POLD1: variants seen among roughly 807,000 people sequenced by gnomAD.
POLD1 encodes the protein DNA polymerase delta catalytic subunit.
Under a neutral mutation model 129.7 loss-of-function variants are expected in POLD1, and 79 were observed. The ratio of observed to expected loss-of-function variants is 0.61; its 90% CI spans 0.51 to 0.73. POLD1 has a LOEUF of 0.73. POLD1 is among the 30% of genes least tolerant of loss of function. The probability of loss-of-function intolerance (pLI) is 0.00; values close to 1 mark genes in which losing one functional copy is unlikely to be tolerated. For synonymous variants in POLD1, 714 were observed against 683.3 expected (o/e 1.04, Z -0.70); for missense variants, 1,338 against 1,595.8 (o/e 0.84, Z 2.75).
At chr19:50,415,074 C>T in intron 20 of POLD1, 84 bp downstream of exon 20, 2 of 1,290,796 alleles carry the variant, frequency 1.5e-6, no homozygotes, top group Non-Finnish European at 1.0e-6. Flanking sequence ...GGCCCCAGCC[C>T]CTCCTCCCTC....
intron 17 of POLD1, among the ~76,000 whole-genome samples, chr19:50,410,047 G>A (rs1261635672): frequency 6.6e-6 from 1 of 152,192 alleles, no homozygotes; most frequent in Non-Finnish European, 1.5e-5. Flanking sequence ...GGGGAGTGAT[G>A]GGGCTGGGCG....
chr19:50,416,364 G>A lies in POLD1; in HGVS notation c.2821-32G>A, dbSNP rs528284411. 23 of 1,545,500 alleles carry A rather than the reference G, an allele frequency of 1.5e-5. 1 individual carries two copies. The African/African-American group carries it at 2.7e-4, about 18-fold the overall frequency. ...TGTCCACCCCGGTGCCCTTTCCCTG[G>A]CTGCCCGGGTGTGACTGCCATGTGG... is the stretch of plus-strand genomic sequence containing the variant. On this transcript the variant is annotated intron_variant, in intron 22 of 26. Transcript: ENST00000440232.
rs141012529 is a variant in POLD1, at chr19:50,391,797, C to T, written c.-1-7054C>T. Among the ~76,000 whole-genome samples the T allele has an allele frequency of 9.7e-3, 1,482 of 152,238 alleles. 21 individuals carry two copies. The highest frequency in any genetic ancestry group is 0.034 in the African/African-American group (1,409 of 41,532). ...GCGCAATCTTGGCTCACTGCAACCT[C>T]CGCCTCCCAGGTTCAAGCGATTCTC... On this transcript the variant is annotated intron_variant, in intron 1 of 26. Transcript: ENST00000440232.
intron 14 of POLD1, among the ~76,000 whole-genome samples, chr19:50,408,022 C>T (rs2038961480): frequency 6.6e-6 from 1 of 151,432 alleles, no homozygotes; most frequent in African/African-American, 2.4e-5. Flanking sequence ...GGCGACAGAG[C>T]AACACCCCGG....
rs535288868 is a variant in POLD1, at chr19:50,415,129, G to A, written c.2564+139G>A. ...CCCAGCCCCCTCCTCCTCAGATCCC[G>A]GGGTCAGGGCCCCCAGCCCCTTCCT... On this transcript the variant is annotated intron_variant, in intron 20 of 26. Coordinates refer to ENST00000440232, the MANE Select transcript of POLD1 (RefSeq NM_002691.4). 4.0e-5 allele frequency: 31 copies of A among 783,276 alleles called. No homozygotes were observed. In the Admixed American group the frequency reaches 5.2e-4, roughly 13 times the overall value. 48.5% of individuals were successfully genotyped at this position (783,276 alleles called of 1,614,324 possible). A position where few individuals can be genotyped will look rare whatever the true frequency, so the allele number is the denominator to read the frequency against.
rs754121583 is a variant in POLD1, at chr19:50,402,140, G to C, written c.589+16G>C. The C allele has an allele frequency of 6.2e-7, 1 of 1,603,484 alleles. No individual in the cohort carries two copies. The highest frequency in any genetic ancestry group is 1.7e-5 in the Admixed American group (1 of 59,290). ...TCCCGAGAGAGTGAGTGCTCCCCCA[G>C]GATCAGCGGGTTGGAGGGTCCCCTC... On this transcript the variant is annotated intron_variant, in intron 5 of 26. Transcript: ENST00000440232.
chr19:50,415,225 C>T (rs2039234708), intron 20 of POLD1, among the ~76,000 whole-genome samples: 2 of 152,194 alleles, frequency 1.3e-5, no homozygotes, highest in Non-Finnish European at 2.9e-5. Context: ...CCCAGCTCTT[C>T]CTCGGTGGTG....
Position 50,401,846 on chromosome 19 carries a change from G to T in POLD1, c.385G>T (p.Gly129Trp). ...RGSVPVLRAF[G>W]VTDEGFSVCC... ...CTCCGTGCCTGTGCTCCGCGCCTTC[G>T]GGGTCACCGATGAGGGGTTCTCTGT... Residue 129 changes from glycine to tryptophan, a missense_variant, in exon 4 of 27, where the codon GGG becomes TGG. Transcript: ENST00000440232. 1 of 1,613,892 alleles carries T rather than the reference G, an allele frequency of 6.2e-7. No individual in the cohort carries two copies. Among genetic ancestry groups the T allele is most frequent in the Non-Finnish European group, 8.5e-7 (1 of 1,179,924 alleles).
At position 50,402,131 on chromosome 19, in the gene POLD1, G is replaced by A. The variant is rs2122241054; in HGVS notation, c.589+7G>A. ...GAACTGTGCTCCCGAGAGAGTGAGT[G>A]CTCCCCCAGGATCAGCGGGTTGGAG... On this transcript the variant is annotated splice_region_variant and intron_variant, in intron 5 of 26. Transcript: ENST00000440232. 6.2e-7 allele frequency: 1 copy of A among 1,607,826 alleles called. No homozygotes were observed. Among genetic ancestry groups the A allele is most frequent in the South Asian group, 1.1e-5 (1 of 89,980 alleles).
At chr19:50,398,105 C>T (rs1212388109) in intron 1 of POLD1, among the ~76,000 whole-genome samples, 1 of 152,040 alleles carries the variant, frequency 6.6e-6, no homozygotes, top group African/African-American at 2.4e-5. Flanking sequence ...ACACGCTGAC[C>T]ACCGGGGAGC....
intron 26 of POLD1, among the ~76,000 whole-genome samples, chr19:50,417,483 C>A (rs1002806549): frequency 6.6e-6 from 1 of 152,190 alleles, no homozygotes; most frequent in Non-Finnish European, 1.5e-5. Context: ...GGAGGCAGCG[C>A]CCGGCACCCA....
At chr19:50,397,067 G>A (rs1321527530) in intron 1 of POLD1, among the ~76,000 whole-genome samples, 1 of 139,120 alleles carries the variant, frequency 7.2e-6, no homozygotes, top group Admixed American at 7.4e-5. Flanking sequence ...CTCCAGCCTG[G>A]GTGACAGAGC....
chr19:50,407,300 T>G, intron 13 of POLD1, 27 bp from the exon 14 acceptor site: 1 of 1,598,274 alleles, frequency 6.3e-7, no homozygotes. Flanking sequence ...CTATACCCAC[T>G]CCATTTCCCA....
intron 1 of POLD1, among the ~76,000 whole-genome samples, chr19:50,386,425 AC>A (rs1277644905): frequency 6.6e-6 from 1 of 152,202 alleles, no homozygotes; most frequent in Non-Finnish European, 1.5e-5. Flanking sequence ...GGTGTGAGCC[AC>A]CACACCCGGC....
chr19:50,385,672 C>T (rs533472133), intron 1 of POLD1, among the ~76,000 whole-genome samples: 43 of 151,950 alleles, frequency 2.8e-4, no homozygotes, highest in Admixed American at 6.6e-4. Context: ...GGGATTACGG[C>T]ACCCACTGCC....
Position 50,406,991 on chromosome 19 carries a change from C to T in POLD1, c.1503C>T (p.Asn501=), listed in dbSNP as rs371647100. 3.5e-4 allele frequency: 550 copies of T among 1,593,674 alleles called. 3 individuals are homozygous for T. The South Asian group carries it at 4.6e-3, about 13-fold the overall frequency. Residue 501 remains asparagine (N), a synonymous_variant, in exon 13 of 27, where the codon AAC becomes AAT. Coordinates refer to ENST00000440232, the MANE Select transcript of POLD1 (RefSeq NM_002691.4). This position sits in a 1 kb window ranked among gnomAD's most constrained non-coding sequence, Gnocchi z 5.5. ...TCCGTGCCCATCCCCAGAATGGGAA[C>T]GACCAGACCCGCCGCCGCCTGGCTG... ...HSIITDLQNG[N]DQTRRRLAVY... is the part of the protein sequence containing the mutation.
chr19:50,391,781 T>G (rs1240181516), intron 1 of POLD1, among the ~76,000 whole-genome samples: 1 of 151,904 alleles, frequency 6.6e-6, no homozygotes, highest in Non-Finnish European at 1.5e-5. Context: ...GGCGCAATCT[T>G]GGCTCACTGC....
At chr19:50,417,325 G>C in intron 26 of POLD1, 56 bp downstream of exon 26, 1 of 1,284,186 alleles carries the variant, frequency 7.8e-7, no homozygotes, top group East Asian at 2.5e-5. Context: ...TCCCAGGCCT[G>C]TGGGTTGTGG....
chr19:50,400,522 A>ATTTTTTTTTTTT (rs1016107364), intron 3 of POLD1, among the ~76,000 whole-genome samples: 1 of 63,522 alleles, frequency 1.6e-5, no homozygotes. Flanking sequence ...TGCCCCGCCT[A>ATTTTTTTTTTTT]TTTTTTTTTT....
Sources: gnomAD v4.1 joint callset for allele counts (sites outside exome capture counted in the v4.1 genomes callset) on GRCh38, gnomAD v4.1.1 for gene constraint, Gnocchi (gnomAD v3.1) non-coding constraint, MANE v1.5 for transcripts, NCBI Gene and HGNC (gene_info 2026-07-23, HGNC 2026-07-21) for gene names.